The following MED12L variants were observed in gnomAD, a reference collection of about 807,000 sequenced individuals.
The protein encoded by MED12L is mediator complex subunit 12L, also known as mediator of RNA polymerase II transcription subunit 12-like protein.
A neutral mutation model predicts 281.3 loss-of-function variants in MED12L; 60 were observed. That is an observed-to-expected ratio of 0.21 (90% CI 0.17 to 0.26). The LOEUF is 0.26. MED12L is among the 10% of genes least tolerant of loss of function. MED12L has a pLI of 1.00. For synonymous variants in MED12L, 974 were observed against 987.2 expected (o/e 0.99, Z 0.25); for missense variants, 2,146 against 2,680.9 (o/e 0.80, Z 4.41).
chr3:151,160,466 C>A (rs568180924), intron 8 of MED12L, among the ~76,000 whole-genome samples: 16 of 152,276 alleles, frequency 1.1e-4, no homozygotes, highest in African/African-American at 3.6e-4. Flanking sequence ...GGTTGGTTGC[C>A]TGTCTGTGTT....
chr3:151,328,130 T>G, intron 16 of MED12L: 1 of 1,613,168 alleles, frequency 6.2e-7, no homozygotes, highest in Non-Finnish European at 8.5e-7. Flanking sequence ...CATACAAATG[T>G]TAGTTGCTGC....
intron 8 of MED12L, among the ~76,000 whole-genome samples, chr3:151,160,915 A>T (rs996571176): frequency 6.6e-6 from 1 of 152,234 alleles, no homozygotes; most frequent in Non-Finnish European, 1.5e-5. Flanking sequence ...AGATCAAGTA[A>T]AAAGAAGTAG....
At chr3:151,142,914 T>C (rs957382772) in intron 5 of MED12L, among the ~76,000 whole-genome samples, 1 of 152,170 alleles carries the variant, frequency 6.6e-6, no homozygotes, top group African/African-American at 2.4e-5. Context: ...ATAACATGGC[T>C]CTAAAGCCTG....
chr3:151,100,545 T>G (rs1032481486), intron 2 of MED12L, among the ~76,000 whole-genome samples: 11 of 152,254 alleles, frequency 7.2e-5, no homozygotes, highest in African/African-American at 2.7e-4. Flanking sequence ...GAGGCAGTGC[T>G]AAATAATTTA....
chr3:151,173,774 C>T (rs1228445), intron 11 of MED12L, among the ~76,000 whole-genome samples: 4,636 of 152,226 alleles, frequency 0.03, 164 homozygotes, highest in Admixed American at 0.089. Flanking sequence ...GAATCCACTT[C>T]GTGTAGTAGT....
chr3:151,419,521 G>A (rs189983774), intron 43 of MED12L, among the ~76,000 whole-genome samples: 158 of 152,156 alleles, frequency 1.0e-3, no homozygotes, highest in African/African-American at 3.6e-3. Flanking sequence ...CTTCCCCATC[G>A]CACTGACTCA....
chr3:151,093,658 T>C (rs2148624765), intron 2 of MED12L, among the ~76,000 whole-genome samples: 1 of 152,384 alleles, frequency 6.6e-6, no homozygotes, highest in Non-Finnish European at 1.5e-5. Context: ...TTTCTGTTGC[T>C]GTACACAGTT....
chr3:151,249,694 G>T (rs988686486), intron 16 of MED12L, among the ~76,000 whole-genome samples: 7 of 152,014 alleles, frequency 4.6e-5, no homozygotes, highest in African/African-American at 1.4e-4. Context: ...ATCATTCTTC[G>T]TATTACTCCT....
rs1029668139 is a variant in MED12L, at chr3:151,389,069, A to G, written c.5451+897A>G. Among the ~76,000 whole-genome samples, 4 of 152,308 alleles carry G rather than the reference A, an allele frequency of 2.6e-5. No individual in the cohort carries two copies. The South Asian group carries it at 8.3e-4, about 32-fold the overall frequency. On this transcript the variant is annotated intron_variant, in intron 37 of 44. Transcript: ENST00000687756. The stretch of plus-strand genomic sequence containing the variant: ...GGTGATTAATACTATTTTAGAAATG[A>G]CCACCACCACTTTAGGATGCCACTT...
intron 3 of MED12L, among the ~76,000 whole-genome samples, chr3:151,118,274 A>G (rs973278081): frequency 7.9e-5 from 12 of 152,148 alleles, no homozygotes; most frequent in Non-Finnish European, 1.5e-4. Flanking sequence ...TCCCTTCTCC[A>G]GAGAAACATG....
At position 151,432,864 on chromosome 3, in the gene MED12L, T is replaced by G; in HGVS notation, c.*60T>G. 1 of 1,281,980 alleles carries G rather than the reference T, an allele frequency of 7.8e-7. No individual in the cohort carries two copies. Among genetic ancestry groups the G allele is most frequent in the Non-Finnish European group, 1.1e-6 (1 of 897,558 alleles). 79.4% of individuals were successfully genotyped at this position (1,281,980 alleles called of 1,614,324 possible). On this transcript the variant is annotated 3_prime_UTR_variant, in exon 45 of 45. Transcript: ENST00000687756. ...TGCACTGAAAAACAGAAAATCAAAT[T>G]TAATGCATTAGTCATCTTAAAAATG... is the stretch of plus-strand genomic sequence containing the variant.
At chr3:151,131,733 CTAAATGGA>C in intron 5 of MED12L, among the ~76,000 whole-genome samples, 1 of 68,802 alleles carries the variant, frequency 1.5e-5, no homozygotes, top group South Asian at 5.5e-4. Flanking sequence ...ATTTCCCCTA[CTAAATGGA>C]GAAATGGAGG....
intron 16 of MED12L, among the ~76,000 whole-genome samples, chr3:151,304,432 G>C (rs1188764444): frequency 6.6e-6 from 1 of 152,050 alleles, no homozygotes; most frequent in African/African-American, 2.4e-5. Flanking sequence ...AAATTAGCTG[G>C]GCATGGCAGC....
intron 14 of MED12L, among the ~76,000 whole-genome samples, chr3:151,191,368 T>C (rs1167843143): frequency 6.6e-6 from 1 of 152,248 alleles, no homozygotes; most frequent in Non-Finnish European, 1.5e-5. Flanking sequence ...GGAAATTCTT[T>C]GTTAGTCACA....
intron 16 of MED12L, among the ~76,000 whole-genome samples, chr3:151,243,390 G>A (rs1430391405): frequency 5.5e-5 from 7 of 126,414 alleles, no homozygotes; most frequent in South Asian, 5.9e-4. Context: ...CCCTCAAAGG[G>A]AAGCCCATCA....
chr3:151,283,538 A>G (rs1397208321), intron 16 of MED12L, among the ~76,000 whole-genome samples: 1 of 152,180 alleles, frequency 6.6e-6, no homozygotes, highest in East Asian at 1.9e-4. Context: ...TGCAAGACTC[A>G]CCACGTCTTT....
At chr3:151,312,821 C>A (rs1747727964) in intron 16 of MED12L, among the ~76,000 whole-genome samples, 1 of 152,128 alleles carries the variant, frequency 6.6e-6, no homozygotes, top group African/African-American at 2.4e-5. Flanking sequence ...GTTACCCAAC[C>A]CCTCTGTGCC....
rs144495158 is a variant in MED12L, at chr3:151,435,123, A to G, written c.*2319A>G. The G allele has an allele frequency of 6.7e-6, 1 of 150,284 alleles. No homozygotes were observed. The highest frequency in any genetic ancestry group is 2.0e-4 in the East Asian group (1 of 5,120). 9.3% of individuals were successfully genotyped at this position (150,284 alleles called of 1,614,324 possible). A position where few individuals can be genotyped will look rare whatever the true frequency, so the allele number is the denominator to read the frequency against. On this transcript the variant is annotated 3_prime_UTR_variant, in exon 45 of 45. Coordinates refer to ENST00000687756, the MANE Select transcript of MED12L (RefSeq NM_001393769.1). The stretch of plus-strand genomic sequence containing the variant: ...CATTCTTTTGCATTAAGATGGTCAC[A>G]AGGTAAAGCCCTGTGGCAGAACCTG...
intron 16 of MED12L, among the ~76,000 whole-genome samples, chr3:151,317,436 CTTTTT>C (rs1164820615): frequency 5.1e-5 from 3 of 58,740 alleles, no homozygotes; most frequent in South Asian, 8.2e-4. Flanking sequence ...AATCATATCA[CTTTTT>C]TTTTTTTTTT....
Sources: allele counts gnomAD v4.1 joint callset (sites outside exome capture counted in the v4.1 genomes callset), GRCh38; gene constraint gnomAD v4.1.1; transcripts MANE v1.5; gene names NCBI Gene and HGNC (gene_info 2026-07-23, HGNC 2026-07-21).